The following RORA variants were observed in gnomAD, a reference collection of about 807,000 sequenced individuals.
The protein encoded by RORA is nuclear receptor ROR-alpha.
RORA carries 7 observed loss-of-function variants against 69.5 expected under a neutral mutation model. The observed-to-expected ratio is 0.10, with a 90% confidence interval of 0.06 to 0.19. The LOEUF (loss-of-function observed/expected upper bound fraction) is 0.19. RORA is among the 10% of genes least tolerant of loss of function. The pLI is 1.00. For synonymous variants in RORA, 261 were observed against 240.8 expected, an observed-to-expected ratio of 1.08 and a Z score of -0.78; for missense variants, 457 against 663.0, an observed-to-expected ratio of 0.69 and a Z score of 3.41.
chr15:60,943,158 C>T (rs938072284), intron 1 of RORA, among the ~76,000 whole-genome samples: 1 of 152,164 alleles, frequency 6.6e-6, no homozygotes, highest in Non-Finnish European at 1.5e-5. Context: ...TGAGACTTGG[C>T]CCTTCAACTA....
chr15:61,125,717 T>C (rs1193508235), intron 1 of RORA, among the ~76,000 whole-genome samples: 1 of 152,226 alleles, frequency 6.6e-6, no homozygotes, highest in Non-Finnish European at 1.5e-5. Flanking sequence ...CCTTCCTCTT[T>C]TCTCCTCCCA....
chr15:61,003,602 A>G (rs368232725), intron 1 of RORA, among the ~76,000 whole-genome samples: 1 of 152,204 alleles, frequency 6.6e-6, no homozygotes, highest in East Asian at 1.9e-4. Flanking sequence ...CACACTGACC[A>G]TGTGGGTTTG....
At chr15:60,958,526 A>G (rs1893332897) in intron 1 of RORA, among the ~76,000 whole-genome samples, 1 of 152,212 alleles carries the variant, frequency 6.6e-6, no homozygotes, top group African/African-American at 2.4e-5. Flanking sequence ...TCATTCGATT[A>G]TACCCAATCT....
At chr15:61,091,977 T>A (rs899597597) in intron 1 of RORA, among the ~76,000 whole-genome samples, 17 of 152,238 alleles carry the variant, frequency 1.1e-4, no homozygotes, top group Non-Finnish European at 5.9e-5. Flanking sequence ...CTAGCTTTTA[T>A]GTTTCCAGAA....
At chr15:60,515,990 TTTATATATATTTA>T (rs1437276149) in intron 3 of RORA, among the ~76,000 whole-genome samples, 11,008 of 20,936 alleles carry the variant, frequency 0.53, 2,264 homozygotes, top group Middle Eastern at 0.71. Context: ...TTTATATATA[TTTATATATATTTA>T]TATATATTTA....
chr15:60,834,410 T>TACCTTGACATGAACACGAGTAA (rs1490687462), intron 1 of RORA, among the ~76,000 whole-genome samples: 1 of 152,212 alleles, frequency 6.6e-6, no homozygotes, highest in Non-Finnish European at 1.5e-5. Flanking sequence ...GTGTGCTCCA[T>TACCTTGACATGAACACGAGTAA]ACCTTGACAT....
chr15:61,154,831 C>T (rs753632728), intron 1 of RORA, among the ~76,000 whole-genome samples: 23 of 152,154 alleles, frequency 1.5e-4, no homozygotes, highest in Admixed American at 1.4e-3. Flanking sequence ...ACACTGACAC[C>T]GTCGGCTGGC....
At chr15:60,875,986 G>A (rs1413850647) in intron 1 of RORA, among the ~76,000 whole-genome samples, 1 of 152,106 alleles carries the variant, frequency 6.6e-6, no homozygotes, top group Non-Finnish European at 1.5e-5. Flanking sequence ...TAAGGATCAG[G>A]TTCTCTAAAA....
At chr15:60,985,540 C>T (rs11635974) in intron 1 of RORA, among the ~76,000 whole-genome samples, 32,821 of 148,524 alleles carry the variant, frequency 0.22, 3,881 homozygotes, top group African/African-American at 0.28. Flanking sequence ...ATTTTTCTCA[C>T]ATACGAAAAA....
At chr15:60,583,054 C>T (rs2068236522) in intron 2 of RORA, among the ~76,000 whole-genome samples, 1 of 152,216 alleles carries the variant, frequency 6.6e-6, no homozygotes, top group African/African-American at 2.4e-5. Context: ...CGGCCGCCAG[C>T]ATCACATCTG....
chr15:60,896,319 C>A (rs4775313), intron 1 of RORA, among the ~76,000 whole-genome samples: 95 of 152,068 alleles, frequency 6.2e-4, no homozygotes, highest in Non-Finnish European at 5.4e-4. Flanking sequence ...TGGTACCAAT[C>A]AATGGAAAGC....
chr15:60,516,184 T>TAA (rs2065931927), intron 3 of RORA, among the ~76,000 whole-genome samples: 2 of 28,040 alleles, frequency 7.1e-5, no homozygotes, highest in Admixed American at 6.2e-4. Context: ...TATATATATA[T>TAA]TTATATATAT....
intron 2 of RORA, among the ~76,000 whole-genome samples, chr15:60,642,178 G>A (rs1403857419): frequency 6.6e-6 from 1 of 152,050 alleles, no homozygotes; most frequent in Non-Finnish European, 1.5e-5. Context: ...CGTGCTTTAA[G>A]AGGGACACGG....
chr15:61,016,556 A>G (rs1174451147), intron 1 of RORA, among the ~76,000 whole-genome samples: 2 of 152,168 alleles, frequency 1.3e-5, no homozygotes, highest in Non-Finnish European at 2.9e-5. Flanking sequence ...GGTTAGGATC[A>G]TTTTTAAAGA....
At chr15:61,125,102 A>G (rs1166931814) in intron 1 of RORA, among the ~76,000 whole-genome samples, 1 of 152,210 alleles carries the variant, frequency 6.6e-6, no homozygotes, top group African/African-American at 2.4e-5. Flanking sequence ...GGTGATGAAA[A>G]TAAATTGCCT....
At chr15:60,584,976 G>C (rs1481834922) in intron 2 of RORA, among the ~76,000 whole-genome samples, 1 of 151,868 alleles carries the variant, frequency 6.6e-6, no homozygotes, top group African/African-American at 2.4e-5. Flanking sequence ...TCTTTTTCAT[G>C]AAACGCTGCA....
At chr15:60,718,389 A>G (rs533736150) in intron 1 of RORA, among the ~76,000 whole-genome samples, 40 of 152,332 alleles carry the variant, frequency 2.6e-4, no homozygotes, top group African/African-American at 8.9e-4. Flanking sequence ...GCAGAGAGTT[A>G]AAGACATTCA....
intron 1 of RORA, among the ~76,000 whole-genome samples, chr15:60,747,370 T>A (rs1370880165): frequency 6.6e-6 from 1 of 152,160 alleles, no homozygotes; most frequent in African/African-American, 2.4e-5. Flanking sequence ...AGTGTACAGA[T>A]GAACTTGATT....
At chr15:61,161,122 A>G (rs891613764) in intron 1 of RORA, among the ~76,000 whole-genome samples, 1 of 152,164 alleles carries the variant, frequency 6.6e-6, no homozygotes, top group Non-Finnish European at 1.5e-5. Context: ...GAAAAGGCTG[A>G]GTTGCTCTGA....
Sources: gnomAD v4.1 joint callset for allele counts (sites outside exome capture counted in the v4.1 genomes callset) on GRCh38, gnomAD v4.1.1 for gene constraint, MANE v1.5 for transcripts, NCBI Gene and HGNC (gene_info 2026-07-23, HGNC 2026-07-21) for gene names.